GBP6: variants seen among roughly 807,000 people sequenced by gnomAD.
GBP6 encodes the protein guanylate-binding protein 6.
GBP6 carries 54 observed loss-of-function variants against 61.5 expected under a neutral mutation model. The observed-to-expected ratio is 0.88, with a 90% CI of 0.71 to 1.10. GBP6 has a LOEUF of 1.10. GBP6 is among the 50% of genes least tolerant of loss of function. The pLI, the probability that GBP6 is intolerant of heterozygous loss-of-function variation, is 0.00. For synonymous variants in GBP6, 255 were observed against 273.7 expected, an observed-to-expected ratio of 0.93 and a Z score of 0.67; for missense variants, 748 against 752.8, an observed-to-expected ratio of 0.99 and a Z score of 0.07.
chr1:89,373,095 C>A (rs1652691958), intron 3 of GBP6, among the ~76,000 whole-genome samples: 1 of 152,280 alleles, frequency 6.6e-6, no homozygotes, highest in East Asian at 1.9e-4. Flanking sequence ...CAGAGAAATG[C>A]AAATCAAAAC....
At chr1:89,384,381 C>A in intron 10 of GBP6, 95 bp downstream of exon 10, 4 of 949,372 alleles carry the variant, frequency 4.2e-6, no homozygotes, top group South Asian at 3.8e-5. Flanking sequence ...TGAAAGGAAG[C>A]ACATCACCAT....
At chr1:89,368,374 C>T (rs9428023) in intron 1 of GBP6, among the ~76,000 whole-genome samples, 155 bp from the exon 2 acceptor site, 149,218 of 152,326 alleles carry the variant, frequency 0.98, 73,196 homozygotes, top group Middle Eastern at 1. Flanking sequence ...TCATTACAGA[C>T]TTGGGAGAGT....
chr1:89,371,673 A>G (rs1652646094), intron 3 of GBP6, among the ~76,000 whole-genome samples: 1 of 152,218 alleles, frequency 6.6e-6, no homozygotes, highest in Non-Finnish European at 1.5e-5. Context: ...TCAAAATAAT[A>G]AGAGCTATTT....
At position 89,385,544 on chromosome 1, in the gene GBP6, T is replaced by A; in HGVS notation, c.*75T>A. The A allele has an allele frequency of 6.9e-7, 1 of 1,439,128 alleles. No homozygotes were observed. The highest frequency in any genetic ancestry group is 9.3e-7 in the Non-Finnish European group (1 of 1,075,468). 89.1% of individuals were successfully genotyped at this position (1,439,128 alleles called of 1,614,324 possible). ...GTTTTTCATTTTCATTCAGCAAGTT[T>A]TTTTTTTTTTTCAGAGTCTTACTCT... On this transcript the variant is annotated 3_prime_UTR_variant, in exon 11 of 11. Transcript: ENST00000370456.
Position 89,383,770 on chromosome 1 carries a change from C to T in GBP6, c.1468+16C>T. ...GCAGTAGCAGGTATGGGGCAGGGCT[C>T]AGCTTACACAGGAGGGGTACGTTTA... On this transcript the variant is annotated intron_variant, in intron 9 of 10. Coordinates refer to ENST00000370456, the MANE Select transcript of GBP6 (RefSeq NM_198460.3). The T allele has an allele frequency of 1.3e-6, 2 of 1,546,306 alleles. No homozygotes were observed. Among genetic ancestry groups the T allele is most frequent in the Non-Finnish European group, 1.8e-6 (2 of 1,132,420 alleles).
At chr1:89,378,889 A>G (rs1652882450) in intron 5 of GBP6, among the ~76,000 whole-genome samples, 1 of 152,202 alleles carries the variant, frequency 6.6e-6, no homozygotes, top group South Asian at 2.1e-4. Context: ...CTTTCTAATA[A>G]CAAGATGCTT....
chr1:89,374,918 T>TC (rs1001875253), intron 3 of GBP6, among the ~76,000 whole-genome samples: 1 of 152,012 alleles, frequency 6.6e-6, no homozygotes, highest in Non-Finnish European at 1.5e-5. Context: ...CTCTCCCTCT[T>TC]CCCCTCCCAC....
At chr1:89,364,619 G>A (rs1177420118) in intron 1 of GBP6, among the ~76,000 whole-genome samples, 1 of 144,748 alleles carries the variant, frequency 6.9e-6, no homozygotes, top group African/African-American at 2.6e-5. Context: ...TCCAAACTCT[G>A]TGTGTGCGTG....
chr1:89,378,677 A>G, intron 5 of GBP6, 64 bp downstream of exon 5: 1 of 1,267,656 alleles, frequency 7.9e-7, no homozygotes, highest in African/African-American at 1.5e-5. Flanking sequence ...AACACTGCCC[A>G]TCATCTCTGG....
At chr1:89,371,004 C>A (rs890214323) in intron 3 of GBP6, among the ~76,000 whole-genome samples, 1 of 152,160 alleles carries the variant, frequency 6.6e-6, no homozygotes, top group Non-Finnish European at 1.5e-5. Context: ...TCTCGCATCC[C>A]CAGCCCCTGG....
intron 3 of GBP6, among the ~76,000 whole-genome samples, chr1:89,371,203 G>A (rs144553769): frequency 1.3e-5 from 2 of 152,118 alleles, no homozygotes; most frequent in Non-Finnish European, 2.9e-5. Flanking sequence ...ATATATAGAC[G>A]GATTCGCAGC....
In GBP6 at chr1:89,387,190, C is replaced by T. The variant is rs1437295795; in HGVS notation, c.*1721C>T. Among the ~76,000 whole-genome samples the T allele has an allele frequency of 1.3e-5, 2 of 152,096 alleles. No homozygotes were observed. The highest frequency in any genetic ancestry group is 2.9e-5 in the Non-Finnish European group (2 of 68,006). On this transcript the variant is annotated 3_prime_UTR_variant, in exon 11 of 11. Transcript: ENST00000370456. Reference sequence around the variant, plus strand: ...AAATGATAATGATTTCCCAAGTTCTCCTCCTAGGAAACGTCTGGAGCCATT... The same window carrying T: ...AAATGATAATGATTTCCCAAGTTCTTCTCCTAGGAAACGTCTGGAGCCATT...
intron 1 of GBP6, among the ~76,000 whole-genome samples, chr1:89,364,423 G>T (rs994564616): frequency 6.6e-6 from 1 of 152,182 alleles, no homozygotes; most frequent in Admixed American, 6.5e-5. Context: ...CAGGTCCTGC[G>T]GCAAGCCCCA....
chr1:89,364,658 G>T (rs1216566005), intron 1 of GBP6, among the ~76,000 whole-genome samples: 7 of 149,342 alleles, frequency 4.7e-5, no homozygotes, highest in African/African-American at 1.7e-4. Context: ...TGTGTGTGTG[G>T]GGAGGGGGTG....
At chr1:89,381,233 C>T (rs911881274) in intron 6 of GBP6, among the ~76,000 whole-genome samples, 6 of 133,860 alleles carry the variant, frequency 4.5e-5, no homozygotes, top group South Asian at 2.3e-4. Flanking sequence ...TGTAGTGAGC[C>T]GAGATCACAC....
intron 1 of GBP6, among the ~76,000 whole-genome samples, chr1:89,365,155 T>A (rs911863536): frequency 3.5e-4 from 54 of 152,324 alleles, no homozygotes; most frequent in African/African-American, 1.3e-3. Flanking sequence ...GAAACTATCA[T>A]CAGAGTGATC....
At chr1:89,374,921 C>T (rs1652763319) in intron 3 of GBP6, among the ~76,000 whole-genome samples, 1 of 152,028 alleles carries the variant, frequency 6.6e-6, no homozygotes, top group Non-Finnish European at 1.5e-5. Flanking sequence ...TCCCTCTTCC[C>T]CTCCCACACC....
intron 3 of GBP6, among the ~76,000 whole-genome samples, chr1:89,374,838 G>A (rs568170438): frequency 1.3e-5 from 2 of 152,094 alleles, no homozygotes; most frequent in East Asian, 1.9e-4. Context: ...TATGTCATGG[G>A]GGTTGGTTGT....
In GBP6 at chr1:89,386,864, C is replaced by A. The variant is rs17130793; in HGVS notation, c.*1395C>A. Among the ~76,000 whole-genome samples, 2,152 of 152,252 alleles carry A rather than the reference C, an allele frequency of 0.014. 58 individuals are homozygous for A. Among genetic ancestry groups the A allele is most frequent in the African/African-American group, 0.05 (2,060 of 41,544 alleles). ...GATGATAGACCCAGACACATAGAGG[C>A]CTGGTGTTGACCCTTAATTGTTAGA... On this transcript the variant is annotated 3_prime_UTR_variant, in exon 11 of 11. Transcript: ENST00000370456.
Sources: allele counts gnomAD v4.1 joint callset (sites outside exome capture counted in the v4.1 genomes callset), GRCh38; gene constraint gnomAD v4.1.1; transcripts MANE v1.5; gene names NCBI Gene and HGNC (gene_info 2026-07-23, HGNC 2026-07-21).